CYTH1: variants seen among roughly 807,000 people sequenced by gnomAD.
The protein encoded by CYTH1 is cytohesin 1.
A neutral mutation model predicts 61.8 loss-of-function variants in CYTH1; 18 were observed. That is an observed-to-expected ratio of 0.29 (90% CI 0.20 to 0.43). CYTH1 has a LOEUF of 0.43. CYTH1 is among the 20% of genes least tolerant of loss of function. CYTH1 has a pLI of 1.00. For synonymous variants in CYTH1, 174 were observed against 184.3 expected (o/e 0.94, Z 0.45); for missense variants, 336 against 510.5 (o/e 0.66, Z 3.29).
At chr17:78,752,906 T>A (rs1210419765) in intron 1 of CYTH1, among the ~76,000 whole-genome samples, 1 of 152,242 alleles carries the variant, frequency 6.6e-6, no homozygotes, top group East Asian at 1.9e-4. Flanking sequence ...AATTTTGTTG[T>A]TGTTTAGTTC....
At chr17:78,705,616 C>T (rs1425879651) in intron 3 of CYTH1, among the ~76,000 whole-genome samples, 2 of 152,064 alleles carry the variant, frequency 1.3e-5, no homozygotes, top group African/African-American at 4.8e-5. Context: ...TAAGAAAGTC[C>T]GAGCAAATGT....
At chr17:78,774,727 C>T (rs190423375) in intron 1 of CYTH1, among the ~76,000 whole-genome samples, 119 of 152,270 alleles carry the variant, frequency 7.8e-4, no homozygotes, top group Middle Eastern at 3.4e-3. Context: ...TCTCACCACC[C>T]ACACACAGGT....
chr17:78,698,544 C>A (rs899248794), intron 8 of CYTH1, among the ~76,000 whole-genome samples, 164 bp from the exon 9 acceptor site: 1 of 152,154 alleles, frequency 6.6e-6, no homozygotes, highest in Non-Finnish European at 1.5e-5. Context: ...AGGCAGCTCA[C>A]AGTGACAAAA....
chr17:78,675,950 G>GA lies in CYTH1; in HGVS notation c.*140_*141insT. 1 of 1,547,962 alleles carries GA rather than the reference G, an allele frequency of 6.5e-7. No individual in the cohort carries two copies. The stretch of plus-strand genomic sequence containing the variant: ...ACCCTTCTCCCACTTAAAAAAAATA[G>GA]CAAAAGCTGAAGCTAGTCTCTAGGA... On this transcript the variant is annotated 3_prime_UTR_variant, in exon 14 of 14. Transcript: ENST00000446868.
At chr17:78,704,893 G>A (rs1029125478) in intron 3 of CYTH1, among the ~76,000 whole-genome samples, 2 of 152,262 alleles carry the variant, frequency 1.3e-5, no homozygotes, top group East Asian at 1.9e-4. Context: ...AAGATAATCT[G>A]GGCTCCCCTG....
chr17:78,727,856 T>C (rs2093274668), intron 1 of CYTH1: 5 of 364,670 alleles, frequency 1.4e-5, no homozygotes, highest in Non-Finnish European at 2.3e-5. Flanking sequence ...ACGAGACCTA[T>C]GGCAGGGGCA....
rs1030798868 is a variant in CYTH1, at chr17:78,776,567, G to A, written c.22+5635C>T. On this transcript the variant is annotated intron_variant, in intron 1 of 13. Transcript: ENST00000446868. ...CCAGCTACTCAGGAGGCTGAGGCAC[G>A]AGAATCGCTTGAACCCGGGAGGCAG... Among the ~76,000 whole-genome samples, 7 of 150,724 alleles carry A rather than the reference G, an allele frequency of 4.6e-5. No homozygotes were observed. In the East Asian group the frequency reaches 7.9e-4, roughly 17 times the overall value.
chr17:78,754,199 T>C (rs1012213609), intron 1 of CYTH1, among the ~76,000 whole-genome samples: 2 of 152,174 alleles, frequency 1.3e-5, no homozygotes, highest in African/African-American at 4.8e-5. Context: ...GACAGAACTT[T>C]CCAAGAGCAA....
intron 9 of CYTH1, 134 bp from the exon 10 acceptor site, chr17:78,696,143 C>G: frequency 1.6e-6 from 2 of 1,246,792 alleles, no homozygotes; most frequent in Non-Finnish European, 2.1e-6. Context: ...ACATTCATGC[C>G]TGCCTGGGGA....
chr17:78,695,117 T>C (rs1350919501), intron 10 of CYTH1, among the ~76,000 whole-genome samples: 1 of 152,078 alleles, frequency 6.6e-6, no homozygotes, highest in Non-Finnish European at 1.5e-5. Context: ...TCTTTTTAAG[T>C]GTAGCTACTG....
At position 78,757,222 on chromosome 17, in the gene CYTH1, A is replaced by G. The variant is rs544751298; in HGVS notation, c.22+24980T>C. Among the ~76,000 whole-genome samples, 3 of 152,192 alleles carry G rather than the reference A, an allele frequency of 2.0e-5. No homozygotes were observed. In the East Asian group the frequency reaches 5.8e-4, roughly 29 times the overall value. On this transcript the variant is annotated intron_variant, in intron 1 of 13. Transcript: ENST00000446868. ...CTTGGCCTCCCAAAGTGCTGGGATT[A>G]CAGGCGTGAGCCACCATGCCCGGAC...
chr17:78,676,858 C>A (rs2092705640), intron 13 of CYTH1: 2 of 391,984 alleles, frequency 5.1e-6, no homozygotes, highest in Admixed American at 2.9e-5. Context: ...AACCCTATGT[C>A]TGCCATTCTC....
intron 10 of CYTH1, among the ~76,000 whole-genome samples, chr17:78,692,735 C>T (rs577107795): frequency 2.0e-5 from 3 of 151,950 alleles, no homozygotes; most frequent in South Asian, 2.1e-4. Flanking sequence ...GAGATGGAAT[C>T]GGGACGGCAG....
chr17:78,701,738 T>C lies in CYTH1; in HGVS notation c.370A>G (p.Ile124Val). 2.5e-6 allele frequency: 4 copies of C among 1,614,126 alleles called. No homozygotes were observed. Among genetic ancestry groups the C allele is most frequent in the East Asian group, 4.5e-5 (2 of 44,890 alleles). Residue 124 changes from isoleucine (I) to valine (V), a missense_variant, in exon 6 of 14, where the codon ATC (isoleucine) becomes GTC (valine). By Grantham distance (29) the Ile-to-Val change is conservative. Around this residue, in one of 4 missense-constraint regions of CYTH1, gnomAD observed 125 missense variants for 209.9 expected, o/e 0.60. Transcript: ENST00000446868. ...TCCACAAATGCATGAAGAACCTGGATATTAAACTCATCTCTATCGAGAAAA... is the reference window on the plus strand; with the variant it reads ...TCCACAAATGCATGAAGAACCTGGACATTAAACTCATCTCTATCGAGAAAA... The part of the protein sequence containing the change: ...DYLGERDEFN[I>V]QVLHAFVELH...
intron 11 of CYTH1, among the ~76,000 whole-genome samples, chr17:78,686,880 C>G (rs999553606): frequency 6.6e-5 from 10 of 152,144 alleles, no homozygotes; most frequent in African/African-American, 2.2e-4. Context: ...CTCCTGGGTT[C>G]AAGCGATTCT....
intron 1 of CYTH1, among the ~76,000 whole-genome samples, chr17:78,766,345 G>A (rs1474926158): frequency 1.3e-5 from 2 of 152,138 alleles, no homozygotes; most frequent in Non-Finnish European, 2.9e-5. Context: ...AGTAAGATTC[G>A]TTAACCTTTA....
intron 13 of CYTH1, 71 bp downstream of exon 13, chr17:78,680,119 T>C (rs2092742957): frequency 6.3e-7 from 1 of 1,580,578 alleles, no homozygotes; most frequent in Non-Finnish European, 8.6e-7. Context: ...GTTTAACCAC[T>C]AAGATGATCA....
intron 1 of CYTH1, among the ~76,000 whole-genome samples, chr17:78,722,154 T>C (rs2093234383): frequency 6.6e-6 from 1 of 152,230 alleles, no homozygotes; most frequent in Non-Finnish European, 1.5e-5. Flanking sequence ...GACAAAATTT[T>C]ATCCTGCGAA....
intron 1 of CYTH1, among the ~76,000 whole-genome samples, chr17:78,726,403 G>T (rs1422342954): frequency 6.7e-6 from 1 of 149,536 alleles, no homozygotes; most frequent in East Asian, 1.9e-4. Context: ...TACTGTGGAA[G>T]AGGCCCCCTG....
Sources: gnomAD v4.1 joint callset for allele counts (sites outside exome capture counted in the v4.1 genomes callset) on GRCh38, gnomAD v4.1.1 for gene constraint, gnomAD v4.1.1 regional missense constraint, MANE v1.5 for transcripts, NCBI Gene and HGNC (gene_info 2026-07-23, HGNC 2026-07-21) for gene names.